The following SLC44A5 variants were observed in gnomAD, a reference collection of about 807,000 sequenced individuals.
The protein encoded by SLC44A5 is choline transporter-like protein 5.
In SLC44A5, 57 loss-of-function variants were observed where a neutral mutation model predicts 101.8. That is an observed-to-expected ratio of 0.56 (90% CI 0.45 to 0.70). The LOEUF (loss-of-function observed/expected upper bound fraction) is 0.70, where lower values mean the gene tolerates loss of function less well. SLC44A5 is among the 30% of genes least tolerant of loss of function. The probability of loss-of-function intolerance (pLI) is 0.00; values close to 1 mark genes in which losing one functional copy is unlikely to be tolerated. For missense variants in SLC44A5, 737 were observed against 853.1 expected, an observed-to-expected ratio of 0.86 and a Z score of 1.70; for synonymous variants, 281 against 290.9, an observed-to-expected ratio of 0.97 and a Z score of 0.35.
At chr1:75,522,115 T>A (rs770107425) in intron 2 of SLC44A5, 2 of 151,896 alleles carry the variant, frequency 1.3e-5, no homozygotes, top group East Asian at 3.9e-4. Flanking sequence ...GCCTGAGGAG[T>A]CTACAGCAGG....
chr1:75,529,962 C>T (rs1289575567), intron 2 of SLC44A5, among the ~76,000 whole-genome samples: 2 of 152,090 alleles, frequency 1.3e-5, no homozygotes, highest in African/African-American at 4.8e-5. Flanking sequence ...GAAGTTTATG[C>T]TCCAAAGTAT....
chr1:75,365,982 T>A (rs1190416955), intron 3 of SLC44A5, among the ~76,000 whole-genome samples: 1 of 152,242 alleles, frequency 6.6e-6, no homozygotes, highest in East Asian at 1.9e-4. Flanking sequence ...ATATACAATA[T>A]AAAAGATATA....
At chr1:75,342,436 T>C (rs545214202) in intron 3 of SLC44A5, among the ~76,000 whole-genome samples, 1 of 152,288 alleles carries the variant, frequency 6.6e-6, no homozygotes, top group African/African-American at 2.4e-5. Context: ...ATTATTATTA[T>C]TCTATTTTAC....
Position 75,348,355 on chromosome 1 carries a change from T to C in SLC44A5, c.53-8725A>G, listed in dbSNP as rs570421515. On this transcript the variant is annotated intron_variant, in intron 3 of 23. Coordinates refer to ENST00000370859, the MANE Select transcript of SLC44A5 (RefSeq NM_001130058.2). Reference sequence around the variant, plus strand: ...CAAAGATATTTATCAACTTAGCAAATTCCATGAGCAAGGGGGCCAGAAGAC... The same window carrying C: ...CAAAGATATTTATCAACTTAGCAAACTCCATGAGCAAGGGGGCCAGAAGAC... Among the ~76,000 whole-genome samples, 10 of 152,120 alleles carry C rather than the reference T, an allele frequency of 6.6e-5. No individual in the cohort carries two copies. In the South Asian group the frequency reaches 2.1e-3, roughly 32 times the overall value.
intron 4 of SLC44A5, among the ~76,000 whole-genome samples, chr1:75,330,158 CAT>C (rs1311077252): frequency 8.1e-6 from 1 of 123,808 alleles, no homozygotes; most frequent in Admixed American, 8.1e-5. Flanking sequence ...TACGTATATG[CAT>C]ATATATACGT....
At chr1:75,207,193 A>T (rs567266724) in intron 23 of SLC44A5, among the ~76,000 whole-genome samples, 1 of 152,194 alleles carries the variant, frequency 6.6e-6, no homozygotes, top group African/African-American at 2.4e-5. Context: ...GCCCAGGGAT[A>T]TAAAACAACT....
intron 22 of SLC44A5, among the ~76,000 whole-genome samples, chr1:75,212,742 A>T (rs189305472): frequency 6.6e-6 from 1 of 152,244 alleles, no homozygotes; most frequent in Admixed American, 6.6e-5. Context: ...TCAACAAGTG[A>T]ATTATCCTTT....
At chr1:75,685,539 A>G in the SLC44A5 span, among the ~76,000 whole-genome samples, 31 of 152,304 alleles carry the variant, frequency 2.0e-4, no homozygotes, top group Non-Finnish European at 2.5e-4. Flanking sequence ...GAAGTTCCTT[A>G]TCTTCATCTG....
intron 2 of SLC44A5, among the ~76,000 whole-genome samples, chr1:75,483,476 A>G (rs1405789431): frequency 1.3e-5 from 2 of 152,220 alleles, no homozygotes; most frequent in Non-Finnish European, 2.9e-5. Context: ...GGATTTAGAA[A>G]ATATGTTAAG....
intron 4 of SLC44A5, among the ~76,000 whole-genome samples, chr1:75,314,351 A>G (rs1194205453): frequency 6.6e-6 from 1 of 152,198 alleles, no homozygotes; most frequent in African/African-American, 2.4e-5. Flanking sequence ...TGCATGGACA[A>G]TAAAAAACAC....
chr1:75,603,477 GT>G (rs780485195), intron 1 of SLC44A5, among the ~76,000 whole-genome samples: 20 of 151,060 alleles, frequency 1.3e-4, no homozygotes, highest in Non-Finnish European at 2.5e-4. Flanking sequence ...AGAATAATTT[GT>G]TTTTTGAGGA....
intron 2 of SLC44A5, among the ~76,000 whole-genome samples, chr1:75,492,877 T>A (rs540335993): frequency 6.6e-6 from 1 of 152,334 alleles, no homozygotes; most frequent in South Asian, 2.1e-4. Context: ...ACTCATCTAT[T>A]TGGGCACAGG....
intron 3 of SLC44A5, among the ~76,000 whole-genome samples, chr1:75,355,808 TTGA>T (rs1484255871): frequency 6.6e-6 from 1 of 152,180 alleles, no homozygotes; most frequent in Non-Finnish European, 1.5e-5. Flanking sequence ...GCCACGATAC[TTGA>T]TGATAATAAA....
intron 2 of SLC44A5, among the ~76,000 whole-genome samples, chr1:75,468,241 A>G (rs1230044248): frequency 6.6e-6 from 1 of 152,188 alleles, no homozygotes; most frequent in African/African-American, 2.4e-5. Context: ...CAGTGCAACT[A>G]CTATGGAGAA....
At chr1:75,693,431 G>C in the SLC44A5 span, among the ~76,000 whole-genome samples, 4 of 152,160 alleles carry the variant, frequency 2.6e-5, no homozygotes, top group South Asian at 8.3e-4. Context: ...GTTTTTCAAA[G>C]AGTTATCTGC....
intron 6 of SLC44A5, among the ~76,000 whole-genome samples, chr1:75,269,521 C>T (rs1363275031): frequency 6.6e-6 from 1 of 151,802 alleles, no homozygotes; most frequent in Non-Finnish European, 1.5e-5. Flanking sequence ...TCTGTTACTT[C>T]TATGGTTTTA....
At chr1:75,415,014 G>A (rs1283960586) in intron 2 of SLC44A5, among the ~76,000 whole-genome samples, 3 of 152,200 alleles carry the variant, frequency 2.0e-5, no homozygotes, top group African/African-American at 7.2e-5. Context: ...AAGGAAATAA[G>A]GATGATGCAA....
chr1:75,292,880 A>T (rs1653674014), intron 5 of SLC44A5, among the ~76,000 whole-genome samples: 1 of 152,232 alleles, frequency 6.6e-6, no homozygotes, highest in African/African-American at 2.4e-5. Flanking sequence ...AATAAAATAC[A>T]GTATAGTGTA....
At chr1:75,497,760 A>G (rs750347555) in intron 2 of SLC44A5, among the ~76,000 whole-genome samples, 3 of 152,140 alleles carry the variant, frequency 2.0e-5, no homozygotes, top group Admixed American at 1.3e-4. Flanking sequence ...TACCTTAAAT[A>G]TATACATTTC....
Sources: gnomAD v4.1 joint callset for allele counts (sites outside exome capture counted in the v4.1 genomes callset) on GRCh38, gnomAD v4.1.1 for gene constraint, MANE v1.5 for transcripts, NCBI Gene and HGNC (gene_info 2026-07-23, HGNC 2026-07-21) for gene names.